Variants in CACNA2D3 observed in about 807,000 individuals in gnomAD.
CACNA2D3 encodes calcium voltage-gated channel auxiliary subunit alpha2delta 3.
Under a neutral mutation model 160.6 loss-of-function variants are expected in CACNA2D3, and 60 were observed. The observed-to-expected ratio is 0.37, with a 90% confidence interval of 0.30 to 0.46. The LOEUF (loss-of-function observed/expected upper bound fraction) is 0.46, where lower values mean the gene tolerates loss of function less well. Ranked by LOEUF, CACNA2D3 falls within the 20% of genes least tolerant of loss-of-function variation. The probability of loss-of-function intolerance (pLI) is 1.00; values close to 1 mark genes in which losing one functional copy is unlikely to be tolerated. For missense variants in CACNA2D3, 1,205 were observed against 1,365.0 expected, an observed-to-expected ratio of 0.88 and a Z score of 1.85; for synonymous variants, 558 against 492.9, an observed-to-expected ratio of 1.13 and a Z score of -1.75.
intron 8 of CACNA2D3, among the ~76,000 whole-genome samples, chr3:54,570,495 ATGATAATAAT>A (rs998642364): frequency 1.3e-5 from 2 of 151,862 alleles, no homozygotes; most frequent in Non-Finnish European, 2.9e-5. Flanking sequence ...GATATTGACG[ATGATAATAAT>A]TGATAATAAT....
intron 12 of CACNA2D3, among the ~76,000 whole-genome samples, chr3:54,763,780 C>CGTATATATACGTATATATACGT (rs1226075394): frequency 3.9e-5 from 1 of 25,712 alleles, no homozygotes; most frequent in Admixed American, 4.9e-4. Flanking sequence ...TATATATGTA[C>CGTATATATACGTATATATACGT]ATATATATGT....
chr3:54,657,353 C>CTT (rs1399663262), intron 11 of CACNA2D3, among the ~76,000 whole-genome samples: 5 of 152,232 alleles, frequency 3.3e-5, no homozygotes, highest in Admixed American at 2.6e-4. Flanking sequence ...TGTGTCCCTT[C>CTT]TTTTTTGTTT....
intron 2 of CACNA2D3, among the ~76,000 whole-genome samples, chr3:54,234,082 A>C (rs1701828605): frequency 6.6e-6 from 1 of 152,236 alleles, no homozygotes; most frequent in Non-Finnish European, 1.5e-5. Flanking sequence ...GACAACCTGC[A>C]GAATAGGAGA....
At chr3:54,867,966 G>A (rs12494722) in intron 17 of CACNA2D3, among the ~76,000 whole-genome samples, 85,585 of 152,050 alleles carry the variant, frequency 0.56, 24,488 homozygotes, top group East Asian at 0.77. Context: ...TGGTGCCCAA[G>A]GAGTTCCCTA....
intron 26 of CACNA2D3, 40 bp downstream of exon 26, chr3:54,896,910 C>T (rs771256090): frequency 6.2e-7 from 1 of 1,613,200 alleles, no homozygotes; most frequent in Non-Finnish European, 8.5e-7. Context: ...TCTGTCTGGT[C>T]CAGTGGGTCT....
At chr3:54,575,119 T>A (rs1484698375) in intron 8 of CACNA2D3, among the ~76,000 whole-genome samples, 1 of 152,230 alleles carries the variant, frequency 6.6e-6, no homozygotes, top group Non-Finnish European at 1.5e-5. Context: ...TAGGATGGCT[T>A]GTGTTGGTCA....
intron 11 of CACNA2D3, among the ~76,000 whole-genome samples, chr3:54,739,751 A>ATGTGTGTGTGTGTGTGTG (rs5849058): frequency 4.1e-5 from 6 of 145,846 alleles, no homozygotes; most frequent in African/African-American, 1.0e-4. Flanking sequence ...CTCCTCATAT[A>ATGTGTGTGTGTGTGTGTG]TGTGTGTGTG....
intron 13 of CACNA2D3, among the ~76,000 whole-genome samples, chr3:54,768,083 A>G (rs539279049): frequency 6.6e-6 from 1 of 152,280 alleles, no homozygotes; most frequent in South Asian, 2.1e-4. Flanking sequence ...AATGGATGCT[A>G]AATCTAGGGG....
chr3:54,912,398 A>G (rs913678356), intron 27 of CACNA2D3, among the ~76,000 whole-genome samples: 1 of 152,098 alleles, frequency 6.6e-6, no homozygotes, highest in Non-Finnish European at 1.5e-5. Flanking sequence ...TGTAAGTCCT[A>G]CATGATTTGA....
chr3:54,957,329 T>C (rs947471752), intron 27 of CACNA2D3, among the ~76,000 whole-genome samples: 6 of 152,142 alleles, frequency 3.9e-5, no homozygotes, highest in Admixed American at 2.0e-4. Context: ...TAAAACTTTT[T>C]ATAGAGATGG....
At position 54,546,657 on chromosome 3, in the gene CACNA2D3, C is replaced by T. The variant is rs183188815; in HGVS notation, c.545-16143C>T. ...CTTGCTATAATCTTTTTTGGTTAAC[C>T]AACCAACTGCGTATCATGATTACAC... On this transcript the variant is annotated intron_variant, in intron 5 of 37. Coordinates refer to ENST00000474759, the MANE Select transcript of CACNA2D3 (RefSeq NM_018398.3). 9.2e-5 allele frequency among the ~76,000 whole-genome samples: 14 copies of T among 151,896 alleles called. 1 individual carries two copies. The highest frequency in any genetic ancestry group is 8.5e-4 in the Admixed American group (13 of 15,264).
intron 2 of CACNA2D3, among the ~76,000 whole-genome samples, chr3:54,143,521 A>T (rs1699973299): frequency 6.6e-6 from 1 of 152,134 alleles, no homozygotes; most frequent in Non-Finnish European, 1.5e-5. Context: ...TATTTTTGAG[A>T]TGGAGGCTTG....
chr3:54,214,694 G>T (rs779540199), intron 2 of CACNA2D3, among the ~76,000 whole-genome samples: 5 of 152,208 alleles, frequency 3.3e-5, no homozygotes. Flanking sequence ...CCCCAGCACA[G>T]TCAGGAAGAG....
chr3:54,401,854 G>T (rs1334020750), intron 4 of CACNA2D3, among the ~76,000 whole-genome samples: 3 of 152,136 alleles, frequency 2.0e-5, no homozygotes, highest in African/African-American at 7.2e-5. Flanking sequence ...ATACTTCATT[G>T]TTGATATGAT....
chr3:54,888,840 C>T (rs1479296655), intron 24 of CACNA2D3, among the ~76,000 whole-genome samples: 1 of 152,158 alleles, frequency 6.6e-6, no homozygotes, highest in Non-Finnish European at 1.5e-5. Context: ...GACTGTGTGT[C>T]TGTTATGTGC....
At chr3:54,963,883 T>TAGAGAGTTGGGAAAAGAGGAAGTC (rs1387397778) in intron 27 of CACNA2D3, among the ~76,000 whole-genome samples, 4 of 152,182 alleles carry the variant, frequency 2.6e-5, no homozygotes, top group African/African-American at 9.7e-5. Context: ...AGAAGGAAGT[T>TAGAGAGTTGGGAAAAGAGGAAGTC]AGACAGTTGG....
intron 9 of CACNA2D3, among the ~76,000 whole-genome samples, chr3:54,622,230 A>G (rs533234935): frequency 1.4e-4 from 22 of 152,314 alleles, no homozygotes; most frequent in African/African-American, 4.8e-4. Context: ...GGTAAATGGT[A>G]TAACCAGCAC....
At chr3:54,288,658 A>T (rs1462383892) in intron 2 of CACNA2D3, among the ~76,000 whole-genome samples, 4 of 152,336 alleles carry the variant, frequency 2.6e-5, no homozygotes, top group Non-Finnish European at 4.4e-5. Context: ...ATGAACATTG[A>T]TGCAAATATC....
intron 4 of CACNA2D3, among the ~76,000 whole-genome samples, chr3:54,462,519 C>T (rs112187862): frequency 0.51 from 77,117 of 151,842 alleles, 19,845 homozygotes; most frequent in Non-Finnish European, 0.54. Context: ...GATCCCTTTA[C>T]CATTATGCAA....
Sources: gnomAD v4.1 joint callset for allele counts (sites outside exome capture counted in the v4.1 genomes callset) on GRCh38, gnomAD v4.1.1 for gene constraint, MANE v1.5 for transcripts, NCBI Gene and HGNC (gene_info 2026-07-23, HGNC 2026-07-21) for gene names.